The following TMEM272 variants were observed in gnomAD, a reference collection of about 807,000 sequenced individuals.
TMEM272 encodes the protein long intergenic non-protein coding RNA 282.
In TMEM272, 8 loss-of-function variants were observed where a neutral mutation model predicts 3.7. The observed-to-expected ratio is 2.17, with a 90% confidence interval of 1.27 to 3.91. TMEM272 has a LOEUF of 3.91. TMEM272 is among the 30% of genes most tolerant of loss of function. The pLI is 0.00. For synonymous variants in TMEM272, 63 were observed against 39.8 expected, an observed-to-expected ratio of 1.58 and a Z score of -2.20; for missense variants, 166 against 91.5, an observed-to-expected ratio of 1.81 and a Z score of -3.32.
At chr13:51,914,898 G>A in the TMEM272 span, among the ~76,000 whole-genome samples, 5 of 152,126 alleles carry the variant, frequency 3.3e-5, no homozygotes, top group African/African-American at 1.2e-4. Context: ...CTGTGATTTC[G>A]GCTGTTACTT....
In TMEM272 at chr13:51,815,019, G is replaced by A. The variant is rs1301772104; in HGVS notation, c.*1732C>T. On this transcript the variant is annotated 3_prime_UTR_variant, in exon 5 of 5. Transcript: ENST00000629372. Reference sequence around the variant, plus strand: ...ATGTCCAAGCATTGGCTAAGTGACTGGGAATGGCTGACGAGTCATGGACTG... The same window carrying A: ...ATGTCCAAGCATTGGCTAAGTGACTAGGAATGGCTGACGAGTCATGGACTG... 6.5e-6 allele frequency: 1 copy of A among 152,794 alleles called. No homozygotes were observed. The highest frequency in any genetic ancestry group is 1.5e-5 in the Non-Finnish European group (1 of 68,154). 9.5% of individuals were successfully genotyped at this position (152,794 alleles called of 1,614,324 possible). A position where few individuals can be genotyped will look rare whatever the true frequency, so the allele number is the denominator to read the frequency against.
chr13:51,896,502 G>C, the TMEM272 span, among the ~76,000 whole-genome samples: 1 of 152,172 alleles, frequency 6.6e-6, no homozygotes, highest in Non-Finnish European at 1.5e-5. Context: ...GCTCAGGGCA[G>C]GTCCTGGTTC....
the TMEM272 span, among the ~76,000 whole-genome samples, chr13:51,889,598 T>C: frequency 6.6e-6 from 1 of 152,052 alleles, no homozygotes; most frequent in South Asian, 2.1e-4. Flanking sequence ...TCCTGTTGTT[T>C]GAACCACCCA....
At chr13:51,905,100 G>A in the TMEM272 span, among the ~76,000 whole-genome samples, 7 of 152,172 alleles carry the variant, frequency 4.6e-5, no homozygotes, top group Admixed American at 3.9e-4. Context: ...AAGCACCCTC[G>A]TTGAGAAGCA....
the TMEM272 span, among the ~76,000 whole-genome samples, chr13:51,861,141 A>T: frequency 2.0e-5 from 3 of 152,168 alleles, no homozygotes; most frequent in African/African-American, 7.2e-5. Flanking sequence ...AAAAAAATTA[A>T]AAAGAAGAAG....
chr13:51,859,505 AACACACACACACACACACAC>A, the TMEM272 span, among the ~76,000 whole-genome samples: 4 of 129,868 alleles, frequency 3.1e-5, no homozygotes, highest in South Asian at 2.7e-4. Flanking sequence ...CTCCCAACCA[AACACACACACACACACACAC>A]ACACACACAC....
At chr13:51,877,969 G>GT in the TMEM272 span, among the ~76,000 whole-genome samples, 1 of 152,100 alleles carries the variant, frequency 6.6e-6, no homozygotes, top group Non-Finnish European at 1.5e-5. Flanking sequence ...GAAGAAATAC[G>GT]TGAGACTGGA....
chr13:51,875,179 A>G, the TMEM272 span, among the ~76,000 whole-genome samples: 1 of 152,178 alleles, frequency 6.6e-6, no homozygotes, highest in Non-Finnish European at 1.5e-5. Context: ...TATCTCAGTT[A>G]ATCCTCACAA....
chr13:51,845,426 G>A (rs1956297421), upstream of TMEM272, among the ~76,000 whole-genome samples: 1 of 152,178 alleles, frequency 6.6e-6, no homozygotes. Context: ...CTCACCCCTT[G>A]CCCTCCCTGC....
At chr13:51,865,978 G>A in the TMEM272 span, 2 of 1,614,016 alleles carry the variant, frequency 1.2e-6, no homozygotes, top group Middle Eastern at 1.6e-4. Context: ...CCTTCTGGAT[G>A]GAGAACAATG....
chr13:51,835,416 C>T (rs561141457), intron 2 of TMEM272, among the ~76,000 whole-genome samples: 19 of 151,942 alleles, frequency 1.3e-4, no homozygotes, highest in Non-Finnish European at 1.9e-4. Flanking sequence ...TTGCTAGAGA[C>T]GGGGTTTCAC....
chr13:51,910,934 A>G, the TMEM272 span, among the ~76,000 whole-genome samples: 2 of 152,218 alleles, frequency 1.3e-5, no homozygotes, highest in Non-Finnish European at 2.9e-5. Flanking sequence ...CCCATCCCCA[A>G]GCTGACACCC....
upstream of TMEM272, among the ~76,000 whole-genome samples, chr13:51,845,902 A>G (rs1264056459): frequency 6.6e-6 from 1 of 152,238 alleles, no homozygotes; most frequent in Non-Finnish European, 1.5e-5. Flanking sequence ...CATGGACCAC[A>G]CTTAGAGAAA....
the TMEM272 span, among the ~76,000 whole-genome samples, chr13:51,889,879 G>A: frequency 3.3e-5 from 5 of 152,160 alleles, no homozygotes; most frequent in African/African-American, 1.2e-4. Context: ...GACCTCAGGT[G>A]ATCCGCCCAC....
chr13:51,827,319 C>T (rs1956134764), intron 2 of TMEM272, among the ~76,000 whole-genome samples: 1 of 152,186 alleles, frequency 6.6e-6, no homozygotes, highest in Non-Finnish European at 1.5e-5. Flanking sequence ...GGCCATGTGG[C>T]TTTGGGCAAA....
rs1956015289 is a variant in TMEM272 at position 51,815,695 on chromosome 13, T to C, written c.*1056A>G. The C allele has an allele frequency of 6.6e-6, 1 of 152,198 alleles. No individual in the cohort carries two copies. Among genetic ancestry groups the C allele is most frequent in the Non-Finnish European group, 1.5e-5 (1 of 68,066 alleles). 9.4% of individuals were successfully genotyped at this position (152,198 alleles called of 1,614,324 possible). Reference sequence around the variant, plus strand: ...ACAAAATTCTAAAACATGGGACTTTTTGCTCATAAAGAGGCTCCCCAGCGA... The same window carrying C: ...ACAAAATTCTAAAACATGGGACTTTCTGCTCATAAAGAGGCTCCCCAGCGA... On this transcript the variant is annotated 3_prime_UTR_variant, in exon 5 of 5. Coordinates refer to ENST00000629372, the MANE Select transcript of TMEM272 (RefSeq NM_001351003.2).
the TMEM272 span, among the ~76,000 whole-genome samples, chr13:51,859,505 AAC>A: frequency 0.073 from 9,528 of 129,764 alleles, 320 homozygotes; most frequent in African/African-American, 0.1. Context: ...CTCCCAACCA[AAC>A]ACACACACAC....
At chr13:51,849,058 A>G (rs1956319682), upstream of TMEM272, among the ~76,000 whole-genome samples, 1 of 152,138 alleles carries the variant, frequency 6.6e-6, no homozygotes, top group Non-Finnish European at 1.5e-5. Flanking sequence ...AAGCATTTCA[A>G]TATAAGTTTT....
the TMEM272 span, among the ~76,000 whole-genome samples, chr13:51,904,161 T>C: frequency 1.3e-5 from 2 of 152,214 alleles, no homozygotes; most frequent in South Asian, 4.1e-4. Flanking sequence ...ATGAGCTTAA[T>C]GACTGCTTGT....
Sources: gnomAD v4.1 joint callset for allele counts (sites outside exome capture counted in the v4.1 genomes callset) on GRCh38, gnomAD v4.1.1 for gene constraint, MANE v1.5 for transcripts, NCBI Gene and HGNC (gene_info 2026-07-23, HGNC 2026-07-21) for gene names.